Variants in DLGAP4 observed in about 807,000 individuals in gnomAD.
The protein encoded by DLGAP4 is DLG associated protein 4, also known as disks large-associated protein 4.
Under a neutral mutation model 86.9 loss-of-function variants are expected in DLGAP4, and 18 were observed. The ratio of observed to expected loss-of-function variants is 0.21; its 90% CI spans 0.14 to 0.31. DLGAP4 has a LOEUF of 0.31. Ranked by LOEUF, DLGAP4 falls within the 10% of genes least tolerant of loss-of-function variation. The probability of loss-of-function intolerance (pLI) is 1.00; values close to 1 mark genes in which losing one functional copy is unlikely to be tolerated. For missense variants in DLGAP4, 1,085 were observed against 1,362.6 expected, an observed-to-expected ratio of 0.80 and a Z score of 3.21; for synonymous variants, 548 against 574.3, an observed-to-expected ratio of 0.95 and a Z score of 0.65.
intron 1 of DLGAP4, among the ~76,000 whole-genome samples, chr20:36,361,196 A>C (rs2030507629): frequency 6.6e-6 from 1 of 152,138 alleles, no homozygotes; most frequent in Non-Finnish European, 1.5e-5. Flanking sequence ...TTGGGGGTGT[A>C]AGAAGCCCCC....
intron 1 of DLGAP4, among the ~76,000 whole-genome samples, chr20:36,360,422 T>C (rs2030477788): frequency 6.6e-6 from 1 of 152,210 alleles, no homozygotes; most frequent in Non-Finnish European, 1.5e-5. Context: ...CTCCCTCCAA[T>C]GTCTGTGCCC....
At chr20:36,454,327 G>T (rs1382124596) in intron 7 of DLGAP4, among the ~76,000 whole-genome samples, 1 of 151,678 alleles carries the variant, frequency 6.6e-6, no homozygotes, top group Non-Finnish European at 1.5e-5. Flanking sequence ...TTGAAAAATT[G>T]TCATGTCACA....
intron 12 of DLGAP4, among the ~76,000 whole-genome samples, chr20:36,526,366 T>C (rs1344775441): frequency 1.3e-5 from 2 of 152,078 alleles, no homozygotes; most frequent in African/African-American, 2.4e-5. Context: ...TCTGTGACCT[T>C]GTGGTAGCCA....
intron 1 of DLGAP4, among the ~76,000 whole-genome samples, chr20:36,356,623 T>C (rs1188124613): frequency 6.6e-6 from 1 of 151,928 alleles, no homozygotes; most frequent in African/African-American, 2.4e-5. Flanking sequence ...TTGTTGTTTT[T>C]GTTTGTATCT....
In DLGAP4 at chr20:36,401,480, C is replaced by T. The variant is rs984977118; in HGVS notation, c.-72-30166C>T. On this transcript the variant is annotated intron_variant, in intron 2 of 12. Coordinates refer to ENST00000339266, the MANE Select transcript of DLGAP4 (RefSeq NM_001365621.2). ...CCTCAGGCAGGCGGCTTTTCCCTCC[C>T]GGGCTGTGTGTCCTCACCTGCGGAA... Among the ~76,000 whole-genome samples the T allele has an allele frequency of 2.0e-5, 3 of 152,232 alleles. No individual in the cohort carries two copies. The South Asian group carries it at 6.2e-4, about 32-fold the overall frequency.
Position 36,524,239 on chromosome 20 carries a change from C to CTGTT in DLGAP4, c.2513-9_2513-6dup. On this transcript the variant is annotated splice_polypyrimidine_tract_variant and intron_variant, in intron 10 of 12. Transcript: ENST00000339266. The stretch of plus-strand genomic sequence containing the variant: ...TGCTAAATCAGTCTTTTTCCACCCT[C>CTGTT]TGTTTCTCAGTCTTAGGAAAAGTCC... The CTGTT allele has an allele frequency of 6.2e-7, 1 of 1,613,012 alleles. No homozygotes were observed.
chr20:36,444,966 AT>A, intron 6 of DLGAP4, among the ~76,000 whole-genome samples: 1 of 151,364 alleles, frequency 6.6e-6, no homozygotes, highest in East Asian at 2.0e-4. Context: ...TTATTTTTTA[AT>A]TTTTTTAGAG....
intron 1 of DLGAP4, among the ~76,000 whole-genome samples, chr20:36,353,404 A>G (rs1009061811): frequency 1.3e-5 from 2 of 152,246 alleles, no homozygotes; most frequent in Non-Finnish European, 2.9e-5. Flanking sequence ...GCTGGGCTTC[A>G]GTGCCCAGGT....
Position 36,446,929 on chromosome 20 carries a change from C to T in DLGAP4, c.1640C>T (p.Thr547Met), listed in dbSNP as rs374441205. 5.5e-5 allele frequency: 89 copies of T among 1,608,840 alleles called. No homozygotes were observed. The highest frequency in any genetic ancestry group is 2.9e-4 in the African/African-American group (22 of 74,868). The change falls in exon 7 of 13, where the codon ACG (threonine) becomes ATG (methionine). Residue 547 changes from threonine to methionine, a missense_variant. This residue lies in a region of DLGAP4 where 1,082 missense variants were observed against 1,344.1 expected (regional missense o/e 0.81). Transcript: ENST00000339266. ...ACCGGCAGCCTCAGCAATAGTCGCA[C>T]GCTTCCGAGTGAGTACTGTGATGAG... ...PSTGSLSNSR[T>M]LPSSSCLVAY...
chr20:36,508,520 G>A (rs550951845), intron 10 of DLGAP4, among the ~76,000 whole-genome samples: 3 of 144,964 alleles, frequency 2.1e-5, no homozygotes, highest in South Asian at 2.2e-4. Flanking sequence ...TCCACCTCCC[G>A]GGTTCAAGCA....
chr20:36,523,086 C>A (rs1479700836), intron 10 of DLGAP4, among the ~76,000 whole-genome samples: 1 of 152,098 alleles, frequency 6.6e-6, no homozygotes, highest in African/African-American at 2.4e-5. Context: ...TGTGCCAGTA[C>A]TTTATGATTT....
intron 1 of DLGAP4, among the ~76,000 whole-genome samples, chr20:36,344,928 TC>T (rs1420274526): frequency 9.9e-5 from 15 of 152,124 alleles, no homozygotes; most frequent in Non-Finnish European, 5.9e-5. Flanking sequence ...GGGCCCTACT[TC>T]CATGTCTCAG....
Position 36,320,799 on chromosome 20 carries a change from C to T in DLGAP4, c.-304+14287C>T, listed in dbSNP as rs563086360. Among the ~76,000 whole-genome samples, 102 of 152,238 alleles carry T rather than the reference C, an allele frequency of 6.7e-4. 1 individual carries two copies. In the South Asian group the frequency reaches 0.021, roughly 32 times the overall value. ...CCTCTACCGACTTTGGACGGGTCTCCCTCTGCACCCTCTCTGCCGCCTAAG... is the reference window on the plus strand; with the variant it reads ...CCTCTACCGACTTTGGACGGGTCTCTCTCTGCACCCTCTCTGCCGCCTAAG... On this transcript the variant is annotated intron_variant, in intron 1 of 12. Transcript: ENST00000339266.
intron 1 of DLGAP4, among the ~76,000 whole-genome samples, chr20:36,338,652 C>G (rs986582173): frequency 3.9e-5 from 6 of 152,246 alleles, no homozygotes; most frequent in Admixed American, 6.5e-5. Context: ...AGGCCCTGGG[C>G]CGACTGGCCT....
At chr20:36,342,006 C>T (rs1467892793) in intron 1 of DLGAP4, among the ~76,000 whole-genome samples, 6 of 152,122 alleles carry the variant, frequency 3.9e-5, no homozygotes, top group East Asian at 1.9e-4. Flanking sequence ...GCTGTTGGAT[C>T]GGGGTGTCGG....
rs139096107 is a variant in DLGAP4, at chr20:36,346,002, T to C, written c.-303-21043T>C. Among the ~76,000 whole-genome samples, 478 of 152,244 alleles carry C rather than the reference T, an allele frequency of 3.1e-3. 2 individuals carry two copies. Among genetic ancestry groups the C allele is most frequent in the African/African-American group, 0.011 (455 of 41,558 alleles). On this transcript the variant is annotated intron_variant, in intron 1 of 12. Transcript: ENST00000339266. The stretch of plus-strand genomic sequence containing the variant: ...AAACTCCTGGCCTCAAGCAATCCTC[T>C]TGCCTTGGCCTCCCAAAGTGCTGGG...
chr20:36,447,536 T>C (rs1214149055), intron 7 of DLGAP4, among the ~76,000 whole-genome samples: 1 of 152,184 alleles, frequency 6.6e-6, no homozygotes, highest in Non-Finnish European at 1.5e-5. Flanking sequence ...TTCTCATTCT[T>C]CAGCCTCCCA....
At chr20:36,404,601 T>G (rs1206455351) in intron 2 of DLGAP4, among the ~76,000 whole-genome samples, 1 of 152,150 alleles carries the variant, frequency 6.6e-6, no homozygotes, top group African/African-American at 2.4e-5. Context: ...AGACCGTGAA[T>G]GAGGGGGTGG....
rs1354009585 is a variant in DLGAP4, at chr20:36,446,831, G to T, written c.1542G>T (p.Leu514=). The change falls in exon 7 of 13, where the codon CTG becomes CTT. Residue 514 remains leucine (L), a synonymous_variant. Coordinates refer to ENST00000339266, the MANE Select transcript of DLGAP4 (RefSeq NM_001365621.2). ...SYFRSRSHSY[L]RAIQAGCSQE... ...TCCGCTCCCGCAGCCACAGCTACCT[G>T]CGTGCCATCCAGGCAGGCTGCTCGC... is the stretch of plus-strand genomic sequence containing the variant. 6.2e-7 allele frequency: 1 copy of T among 1,613,080 alleles called. No homozygotes were observed. Among genetic ancestry groups the T allele is most frequent in the Admixed American group, 1.7e-5 (1 of 59,954 alleles).
Sources: allele counts gnomAD v4.1 joint callset (sites outside exome capture counted in the v4.1 genomes callset), GRCh38; gene constraint gnomAD v4.1.1; regional missense constraint gnomAD v4.1.1; transcripts MANE v1.5; gene names NCBI Gene and HGNC (gene_info 2026-07-23, HGNC 2026-07-21).